Variants in KLHL3 observed in about 807,000 individuals in gnomAD.
KLHL3 encodes the protein kelch-like protein 3.
KLHL3 carries 19 observed loss-of-function variants against 70.5 expected under a neutral mutation model. The observed-to-expected ratio is 0.27, with a 90% CI of 0.19 to 0.40. The LOEUF (loss-of-function observed/expected upper bound fraction) is 0.40. Among genes scored for constraint, KLHL3 ranks in the 10% least tolerant of loss-of-function variants. The pLI, the probability that KLHL3 is intolerant of heterozygous loss-of-function variation, is 1.00. For synonymous variants in KLHL3, 258 were observed against 290.3 expected (o/e 0.89, Z 1.13); for missense variants, 512 against 771.1 (o/e 0.66, Z 3.98).
Position 137,621,975 on chromosome 5 carries a change from G to C in KLHL3, c.*123C>G, listed in dbSNP as rs145643127. ...AACACCAGTCTGCCAAGTCAGAGGA[G>C]AGCGGTTCTCACAGCAGCACAGACC... is the stretch of plus-strand genomic sequence containing the variant. On this transcript the variant is annotated 3_prime_UTR_variant, in exon 15 of 15. Transcript: ENST00000309755. 4.1e-6 allele frequency: 4 copies of C among 987,124 alleles called. No individual in the cohort carries two copies. Among genetic ancestry groups the C allele is most frequent in the African/African-American group, 1.6e-5 (1 of 62,834 alleles). The allele number at this position is 987,124 out of a possible 1,614,324, so 61.1% of individuals were successfully genotyped here.
chr5:137,651,641 C>A (rs1038261565), intron 8 of KLHL3, among the ~76,000 whole-genome samples: 3 of 152,128 alleles, frequency 2.0e-5, no homozygotes, highest in African/African-American at 7.2e-5. Context: ...GCAGTTCCCC[C>A]ATTTGATCTA....
rs1751360430 is a variant in KLHL3, at chr5:137,657,022, C to T, written c.903+1109G>A. On this transcript the variant is annotated intron_variant, in intron 8 of 14. Coordinates refer to ENST00000309755, the MANE Select transcript of KLHL3 (RefSeq NM_017415.3). ...CTCAGCACTCAATAAAGGTTAGCTGCTTGTATTATTATCTGGGACACTGAG... is the reference window on the plus strand; with the variant it reads ...CTCAGCACTCAATAAAGGTTAGCTGTTTGTATTATTATCTGGGACACTGAG... 3.3e-5 allele frequency among the ~76,000 whole-genome samples: 5 copies of T among 152,180 alleles called. No homozygotes were observed. The South Asian group carries it at 1.0e-3, about 32-fold the overall frequency.
chr5:137,674,078 A>G (rs1020358944), intron 6 of KLHL3, among the ~76,000 whole-genome samples: 16 of 152,236 alleles, frequency 1.1e-4, no homozygotes, highest in African/African-American at 3.9e-4. Context: ...TAACAACAGT[A>G]TCTTACAGTA....
At position 137,625,877 on chromosome 5, in the gene KLHL3, C is replaced by A. The variant is rs17171525; in HGVS notation, c.1611G>T (p.Gly537=). The change falls in exon 14 of 15, where the codon GGG becomes GGT. Residue 537 remains glycine (G), a synonymous_variant. Coordinates refer to ENST00000309755, the MANE Select transcript of KLHL3 (RefSeq NM_017415.3). ...RRNAGVCAVN[G]LLYVVGGDDG... is the part of the protein sequence containing the mutation. ...CATCCCCTCCAACCACATACAGGAGCCCATTTACTGCACAGACCCCTGTGA... is the reference window on the plus strand; with the variant it reads ...CATCCCCTCCAACCACATACAGGAGACCATTTACTGCACAGACCCCTGTGA... 66,884 of 1,614,148 alleles carry A rather than the reference C, an allele frequency of 0.041. 2,071 individuals are homozygous for A. The highest frequency in any genetic ancestry group is 0.16 in the Admixed American group (9,368 of 60,030).
intron 11 of KLHL3, among the ~76,000 whole-genome samples, chr5:137,634,710 T>C (rs778417558): frequency 6.6e-6 from 1 of 152,136 alleles, no homozygotes; most frequent in Admixed American, 6.5e-5. Flanking sequence ...TCTTTGTACA[T>C]TGTGGGCCAG....
At chr5:137,642,867 TAA>T (rs752445553) in intron 8 of KLHL3, among the ~76,000 whole-genome samples, 10 of 139,276 alleles carry the variant, frequency 7.2e-5, no homozygotes, top group Admixed American at 7.2e-5. Context: ...TTTTGTAAAT[TAA>T]AAAAAAAAAA....
At chr5:137,697,131 T>C (rs2905616) in intron 4 of KLHL3, among the ~76,000 whole-genome samples, 120,225 of 151,746 alleles carry the variant, frequency 0.79, 47,927 homozygotes, top group East Asian at 0.98. Context: ...GAAGAATCCA[T>C]GTTTTTATCC....
intron 3 of KLHL3, among the ~76,000 whole-genome samples, chr5:137,704,371 G>A (rs148882100): frequency 0.013 from 1,947 of 151,218 alleles, 41 homozygotes; most frequent in African/African-American, 0.045. Context: ...CGGCCTGGGC[G>A]ACAGAGCAAG....
intron 1 of KLHL3, among the ~76,000 whole-genome samples, chr5:137,733,756 T>C (rs1297259991): frequency 6.6e-5 from 10 of 152,056 alleles, no homozygotes; most frequent in African/African-American, 1.9e-4. Context: ...GATGGAGTAA[T>C]GTATAGGATG....
chr5:137,623,314 G>C (rs1441852554), intron 14 of KLHL3, among the ~76,000 whole-genome samples: 1 of 152,158 alleles, frequency 6.6e-6, no homozygotes, highest in East Asian at 1.9e-4. Context: ...ATGAGATTGA[G>C]AGAACATGGC....
chr5:137,683,804 G>A (rs113867596), intron 5 of KLHL3, among the ~76,000 whole-genome samples: 1,977 of 147,206 alleles, frequency 0.013, 45 homozygotes, highest in African/African-American at 0.043. Flanking sequence ...ACATGCACGC[G>A]CACACACACA....
At chr5:137,653,993 C>T (rs562813515) in intron 8 of KLHL3, among the ~76,000 whole-genome samples, 1 of 152,256 alleles carries the variant, frequency 6.6e-6, no homozygotes, top group East Asian at 1.9e-4. Context: ...AAGCCAAGCT[C>T]AAAGGACTAC....
rs1751568031 is a variant in KLHL3, at chr5:137,664,641, A to G, written c.637-2610T>C. Among the ~76,000 whole-genome samples, 2 of 142,730 alleles carry G rather than the reference A, an allele frequency of 1.4e-5. 1 individual carries two copies. The highest frequency in any genetic ancestry group is 5.4e-5 in the African/African-American group (2 of 36,886). 93.6% of individuals were successfully genotyped at this position (142,730 alleles called of 152,430 possible). On this transcript the variant is annotated intron_variant, in intron 6 of 14. Transcript: ENST00000309755. ...AGACCAGCCTGAGAAACTTAGCAAGACCCCATCTCTACTACAAAAAAAAAA... is the reference window on the plus strand; with the variant it reads ...AGACCAGCCTGAGAAACTTAGCAAGGCCCCATCTCTACTACAAAAAAAAAA...
chr5:137,699,568 G>A (rs537124396), intron 3 of KLHL3, among the ~76,000 whole-genome samples: 1 of 152,260 alleles, frequency 6.6e-6, no homozygotes, highest in East Asian at 1.9e-4. Context: ...AGAAGGCAGG[G>A]CTGTAAATAA....
intron 2 of KLHL3, among the ~76,000 whole-genome samples, chr5:137,715,645 ACAT>A (rs143041463): frequency 1.7e-4 from 26 of 151,894 alleles, no homozygotes; most frequent in Admixed American, 5.2e-4. Context: ...AGTGCTTAGC[ACAT>A]CATCATCATC....
At chr5:137,643,926 T>C (rs1269404391) in intron 8 of KLHL3, among the ~76,000 whole-genome samples, 1 of 152,132 alleles carries the variant, frequency 6.6e-6, no homozygotes, top group African/African-American at 2.4e-5. Flanking sequence ...TATTCAGCTC[T>C]CTACTTCTAC....
chr5:137,670,834 G>A (rs1416360715), intron 6 of KLHL3, among the ~76,000 whole-genome samples: 1 of 151,676 alleles, frequency 6.6e-6, no homozygotes, highest in Non-Finnish European at 1.5e-5. Flanking sequence ...ATAGCCGTAA[G>A]TGGTGGCGGG....
chr5:137,681,388 C>T (rs1165996263), intron 5 of KLHL3, among the ~76,000 whole-genome samples: 2 of 152,128 alleles, frequency 1.3e-5, no homozygotes, highest in African/African-American at 4.8e-5. Flanking sequence ...TAACTCCATC[C>T]CAAAGTCCAC....
chr5:137,633,303 GT>G (rs1750687022), intron 12 of KLHL3, among the ~76,000 whole-genome samples: 1 of 110,774 alleles, frequency 9.0e-6, no homozygotes. Context: ...AAAAAAAAAA[GT>G]TTAAAAAAAA....
Sources: gnomAD v4.1 joint callset for allele counts (sites outside exome capture counted in the v4.1 genomes callset) on GRCh38, gnomAD v4.1.1 for gene constraint, MANE v1.5 for transcripts, NCBI Gene and HGNC (gene_info 2026-07-23, HGNC 2026-07-21) for gene names.